The following CEP112 variants were observed in gnomAD, a reference collection of about 807,000 sequenced individuals.
CEP112 encodes the protein centrosomal protein 112.
Under a neutral mutation model 153.0 loss-of-function variants are expected in CEP112, and 127 were observed. That is an observed-to-expected ratio of 0.83 (90% CI 0.72 to 0.96). CEP112 has a LOEUF of 0.96. Among genes scored for constraint, CEP112 ranks in the 40% least tolerant of loss-of-function variants. The pLI, the probability that CEP112 is intolerant of heterozygous loss-of-function variation, is 0.00. For synonymous variants in CEP112, 358 were observed against 374.4 expected, an observed-to-expected ratio of 0.96 and a Z score of 0.51; for missense variants, 1,089 against 1,101.2, an observed-to-expected ratio of 0.99 and a Z score of 0.16.
chr17:65,655,815 A>C (rs2046036760), intron 24 of CEP112, among the ~76,000 whole-genome samples: 1 of 152,228 alleles, frequency 6.6e-6, no homozygotes. Flanking sequence ...GAATATTAAA[A>C]TTTTGGACAG....
chr17:65,888,720 C>T (rs2059368286), intron 20 of CEP112, among the ~76,000 whole-genome samples: 1 of 152,134 alleles, frequency 6.6e-6, no homozygotes, highest in African/African-American at 2.4e-5. Context: ...AGAGATACTT[C>T]AAGCAATGTA....
chr17:66,029,789 T>C, intron 13 of CEP112, 80 bp downstream of exon 13: 1 of 1,204,010 alleles, frequency 8.3e-7, no homozygotes, highest in Non-Finnish European at 1.2e-6. Context: ...CAAGGTGTAA[T>C]TAATTTTGGC....
rs1186012410 is a variant in CEP112 at position 65,784,738 on chromosome 17, TA to T, written c.2395-34015del. ...TCATGATCCGCCTGCCTCGGCCTCC[TA>T]AAGTGCTGGGATTGCAGAGTGAGCC... On this transcript the variant is annotated intron_variant, in intron 21 of 26. Coordinates refer to ENST00000535342, the MANE Select transcript of CEP112 (RefSeq NM_001199165.4). Among the ~76,000 whole-genome samples the T allele has an allele frequency of 2.6e-5, 4 of 152,234 alleles. No homozygotes were observed. The East Asian group carries it at 7.7e-4, about 29-fold the overall frequency.
intron 18 of CEP112, among the ~76,000 whole-genome samples, chr17:65,939,715 T>C (rs1253969373): frequency 6.6e-6 from 1 of 152,164 alleles, no homozygotes; most frequent in Non-Finnish European, 1.5e-5. Context: ...TGGGTTTTTA[T>C]CATACACCAT....
At chr17:65,682,890 G>GT (rs1323598197) in intron 24 of CEP112, among the ~76,000 whole-genome samples, 1 of 152,172 alleles carries the variant, frequency 6.6e-6, no homozygotes, top group East Asian at 1.9e-4. Context: ...ATGTTTGATA[G>GT]TTTTTGAAGT....
chr17:66,016,589 T>C (rs1443280), intron 16 of CEP112, among the ~76,000 whole-genome samples: 140,471 of 151,532 alleles, frequency 0.93, 65,377 homozygotes, highest in East Asian at 0.97. Context: ...TGATATGTTA[T>C]ACAGCCTGCT....
intron 12 of CEP112, among the ~76,000 whole-genome samples, chr17:66,040,229 GT>G (rs1040739466): frequency 2.0e-5 from 3 of 151,872 alleles, no homozygotes; most frequent in Non-Finnish European, 2.9e-5. Flanking sequence ...CTGTGATTTT[GT>G]TTTTTTAATT....
At chr17:66,119,917 T>C (rs1482096582) in intron 6 of CEP112, among the ~76,000 whole-genome samples, 2 of 152,186 alleles carry the variant, frequency 1.3e-5, no homozygotes, top group African/African-American at 4.8e-5. Context: ...GTTTTCACCA[T>C]TATAATAGGT....
rs890653998 is a variant in CEP112 at position 65,701,455 on chromosome 17, T to C, written c.2608-12237A>G. 6.6e-5 allele frequency among the ~76,000 whole-genome samples: 10 copies of C among 152,306 alleles called. No homozygotes were observed. In the South Asian group the frequency reaches 1.5e-3, roughly 22 times the overall value. On this transcript the variant is annotated intron_variant, in intron 23 of 26. Coordinates refer to ENST00000535342, the MANE Select transcript of CEP112 (RefSeq NM_001199165.4). The stretch of plus-strand genomic sequence containing the variant: ...GAGTATGGTGTCAAAAAAGAAATCA[T>C]GGAAGGAACAGTTTTGGGGAAGTAA...
chr17:66,036,927 T>C (rs7225638), intron 12 of CEP112, among the ~76,000 whole-genome samples: 141,017 of 152,250 alleles, frequency 0.93, 65,544 homozygotes, highest in East Asian at 0.97. Flanking sequence ...GCTATTATTA[T>C]CAGTCCCAAG....
intron 6 of CEP112, among the ~76,000 whole-genome samples, chr17:66,113,574 T>TA (rs1598377948): frequency 6.6e-6 from 1 of 152,210 alleles, no homozygotes; most frequent in Non-Finnish European, 1.5e-5. Context: ...ATTTCAACTA[T>TA]GCAGAAGTAA....
chr17:66,090,529 G>A (rs940448198), intron 8 of CEP112, among the ~76,000 whole-genome samples: 4 of 151,914 alleles, frequency 2.6e-5, no homozygotes, highest in Non-Finnish European at 5.9e-5. Context: ...TAATCACAAA[G>A]CAAAAACCTA....
chr17:65,707,926 A>G (rs1210720970), intron 23 of CEP112, among the ~76,000 whole-genome samples: 1 of 152,238 alleles, frequency 6.6e-6, no homozygotes, highest in African/African-American at 2.4e-5. Context: ...TATATTATTA[A>G]GCACAAACCA....
chr17:65,923,263 C>T (rs73346866), intron 19 of CEP112, among the ~76,000 whole-genome samples: 1,864 of 152,290 alleles, frequency 0.012, 43 homozygotes, highest in African/African-American at 0.043. Context: ...TCAGCTCTAT[C>T]GTCTACCTTT....
At chr17:65,702,909 A>G (rs1371038041) in intron 23 of CEP112, among the ~76,000 whole-genome samples, 1 of 152,150 alleles carries the variant, frequency 6.6e-6, no homozygotes, top group East Asian at 1.9e-4. Flanking sequence ...ACTCGCCCCC[A>G]TGATTCAGTT....
intron 24 of CEP112, among the ~76,000 whole-genome samples, chr17:65,660,346 C>CTG (rs141393108): frequency 8.6e-6 from 1 of 116,484 alleles, no homozygotes; most frequent in Non-Finnish European, 1.7e-5. Context: ...TTCTTTTTCT[C>CTG]TCTCGTTCCT....
chr17:65,820,845 T>C (rs960441330), intron 21 of CEP112, among the ~76,000 whole-genome samples: 4 of 152,138 alleles, frequency 2.6e-5, no homozygotes, highest in Admixed American at 6.5e-5. Context: ...TAATATGAAA[T>C]GTACAATAAC....
chr17:65,937,615 GTGGGGGGGTC>G (rs1183551182), intron 18 of CEP112, among the ~76,000 whole-genome samples: 2 of 102,258 alleles, frequency 2.0e-5, no homozygotes, highest in African/African-American at 6.6e-5. Context: ...CGGGAGGGAG[GTGGGGGGGTC>G]AGCCCCCCGC....
intron 20 of CEP112, among the ~76,000 whole-genome samples, chr17:65,857,533 C>T (rs2058166431): frequency 6.6e-6 from 1 of 152,152 alleles, no homozygotes; most frequent in Non-Finnish European, 1.5e-5. Flanking sequence ...AGCCACCACA[C>T]CTGGTCAATG....
Sources: gnomAD v4.1 joint callset for allele counts (sites outside exome capture counted in the v4.1 genomes callset) on GRCh38, gnomAD v4.1.1 for gene constraint, MANE v1.5 for transcripts, NCBI Gene and HGNC (gene_info 2026-07-23, HGNC 2026-07-21) for gene names.